GAB2: variants seen among roughly 807,000 people sequenced by gnomAD.
The protein encoded by GAB2 is GRB2-associated-binding protein 2.
In GAB2, 26 loss-of-function variants were observed where a neutral mutation model predicts 65.5. The observed-to-expected ratio is 0.40, with a 90% CI of 0.29 to 0.55. GAB2 has a LOEUF of 0.55. GAB2 is among the 20% of genes least tolerant of loss of function. The pLI is 0.53. For synonymous variants in GAB2, 321 were observed against 329.6 expected, an observed-to-expected ratio of 0.97 and a Z score of 0.28; for missense variants, 884 against 875.8, an observed-to-expected ratio of 1.01 and a Z score of -0.12.
At chr11:78,280,521 A>C in intron 2 of GAB2, 80 bp downstream of exon 2, 38 of 1,145,232 alleles carry the variant, frequency 3.3e-5, no homozygotes, top group Non-Finnish European at 4.6e-5. Flanking sequence ...AACCTTAGCT[A>C]GAGCCTGCTC....
At chr11:78,283,867 T>A (rs1004529767) in intron 1 of GAB2, among the ~76,000 whole-genome samples, 1 of 152,086 alleles carries the variant, frequency 6.6e-6, no homozygotes, top group African/African-American at 2.4e-5. Context: ...AATGCCCCAA[T>A]GCTCAGTTCT....
intron 1 of GAB2, among the ~76,000 whole-genome samples, chr11:78,302,482 A>G (rs1867053579): frequency 6.6e-6 from 1 of 152,192 alleles, no homozygotes; most frequent in Non-Finnish European, 1.5e-5. Flanking sequence ...CCACAAAGCG[A>G]TACCACCTTA....
At position 78,371,067 on chromosome 11, in the gene GAB2, T is replaced by G. The variant is rs188319334; in HGVS notation, c.75+46579A>C. 1.6e-3 allele frequency among the ~76,000 whole-genome samples: 245 copies of G among 152,322 alleles called. 2 individuals carry two copies. Among genetic ancestry groups the G allele is most frequent in the Non-Finnish European group, 3.1e-3 (210 of 68,026 alleles). Reference sequence around the variant, plus strand: ...AGAGGGAAGATGAGACAGCCAGCACTGTTAGAAAACGTGGCAAAAGCAGCA... The same window carrying G: ...AGAGGGAAGATGAGACAGCCAGCACGGTTAGAAAACGTGGCAAAAGCAGCA... On this transcript the variant is annotated intron_variant, in intron 1 of 9. Transcript: ENST00000361507.
chr11:78,410,555 G>C (rs894336079), intron 1 of GAB2, among the ~76,000 whole-genome samples: 2 of 151,942 alleles, frequency 1.3e-5, no homozygotes, highest in Admixed American at 6.6e-5. Context: ...CAAGAATAAG[G>C]GTTAAAAAAA....
At chr11:78,258,919 TG>T in intron 2 of GAB2, among the ~76,000 whole-genome samples, 1 of 152,322 alleles carries the variant, frequency 6.6e-6, no homozygotes, top group South Asian at 2.1e-4. Flanking sequence ...ATGTTTGTTA[TG>T]TAGGTAAACT....
At chr11:78,305,882 G>T (rs1855346155) in intron 1 of GAB2, among the ~76,000 whole-genome samples, 1 of 152,192 alleles carries the variant, frequency 6.6e-6, no homozygotes, top group African/African-American at 2.4e-5. Context: ...GAAAAGGCAA[G>T]CATTGCCCAT....
At chr11:78,375,483 G>A (rs1378071290) in intron 1 of GAB2, among the ~76,000 whole-genome samples, 1 of 152,090 alleles carries the variant, frequency 6.6e-6, no homozygotes, top group Non-Finnish European at 1.5e-5. Flanking sequence ...ACATTAAAAA[G>A]GCATTTATTG....
At chr11:78,321,018 G>T (rs1855713811) in intron 1 of GAB2, among the ~76,000 whole-genome samples, 2 of 152,300 alleles carry the variant, frequency 1.3e-5, no homozygotes, top group South Asian at 4.1e-4. Flanking sequence ...ACAGAGTGAA[G>T]AATGACTTAC....
At chr11:78,355,113 T>C (rs1249481393) in intron 1 of GAB2, among the ~76,000 whole-genome samples, 1 of 152,206 alleles carries the variant, frequency 6.6e-6, no homozygotes, top group Non-Finnish European at 1.5e-5. Context: ...GTTAATGCAT[T>C]AGTGTAATAG....
At chr11:78,227,085 G>A (rs1192031244) in intron 3 of GAB2, 34 bp from the exon 4 acceptor site, 1 of 1,411,782 alleles carries the variant, frequency 7.1e-7, no homozygotes. Flanking sequence ...GCAGGAGGGT[G>A]AGACAATTAC....
Position 78,257,975 on chromosome 11 carries a change from C to T in GAB2, c.377-7575G>A, listed in dbSNP as rs540415618. On this transcript the variant is annotated intron_variant, in intron 2 of 9. Coordinates refer to ENST00000361507, the MANE Select transcript of GAB2 (RefSeq NM_080491.3). Reference sequence around the variant, plus strand: ...GCAGAGGAAGAACTCCCACAAGAGCCCTATGAGGTGAATGGTACTAGGGAA... The same window carrying T: ...GCAGAGGAAGAACTCCCACAAGAGCTCTATGAGGTGAATGGTACTAGGGAA... 2.7e-4 allele frequency among the ~76,000 whole-genome samples: 41 copies of T among 152,186 alleles called. No individual in the cohort carries two copies. In the Middle Eastern group the frequency reaches 0.01, roughly 38 times the overall value.
At chr11:78,306,546 T>G (rs1855364208) in intron 1 of GAB2, among the ~76,000 whole-genome samples, 1 of 152,248 alleles carries the variant, frequency 6.6e-6, no homozygotes, top group African/African-American at 2.4e-5. Context: ...TATACTTTCT[T>G]AAGCTATCAA....
At chr11:78,312,064 C>G (rs1401230748) in intron 1 of GAB2, among the ~76,000 whole-genome samples, 2 of 152,058 alleles carry the variant, frequency 1.3e-5, no homozygotes, top group African/African-American at 4.8e-5. Context: ...GAAAACAGCC[C>G]TTTTTCTAGG....
chr11:78,235,026 A>T (rs778146490), intron 3 of GAB2, among the ~76,000 whole-genome samples: 7 of 151,940 alleles, frequency 4.6e-5, no homozygotes, highest in Non-Finnish European at 8.8e-5. Context: ...GGCCACCGGG[A>T]GGGGCTGCCA....
chr11:78,390,679 C>A (rs1856823404), intron 1 of GAB2, among the ~76,000 whole-genome samples: 1 of 152,176 alleles, frequency 6.6e-6, no homozygotes, highest in South Asian at 2.1e-4. Flanking sequence ...ATACCGCGAT[C>A]TCCTCCAATA....
At chr11:78,266,613 G>A (rs1238645236) in intron 2 of GAB2, among the ~76,000 whole-genome samples, 1 of 152,168 alleles carries the variant, frequency 6.6e-6, no homozygotes. Flanking sequence ...TTTTTTATCT[G>A]GTAGTTATAT....
In GAB2 at chr11:78,342,586, T is replaced by G. The variant is rs57805880; in HGVS notation, c.76-61685A>C. Among the ~76,000 whole-genome samples the G allele has an allele frequency of 6.8e-3, 1,040 of 152,202 alleles. 26 individuals carry two copies. Among genetic ancestry groups the G allele is most frequent in the East Asian group, 0.068 (352 of 5,158 alleles). ...AGCACGCCTGGCGAATTTTTTGTAT[T>G]TCTAGTAGAGACGGGGTTTCACCAT... On this transcript the variant is annotated intron_variant, in intron 1 of 9. Transcript: ENST00000361507.
chr11:78,339,086 C>G (rs1856050493), intron 1 of GAB2, among the ~76,000 whole-genome samples: 1 of 152,144 alleles, frequency 6.6e-6, no homozygotes, highest in Non-Finnish European at 1.5e-5. Context: ...CCACACCCAG[C>G]TAATTTTTTT....
intron 1 of GAB2, among the ~76,000 whole-genome samples, chr11:78,312,368 A>G (rs891390970): frequency 1.3e-5 from 2 of 152,140 alleles, no homozygotes; most frequent in African/African-American, 4.8e-5. Context: ...CACTTTACAT[A>G]TAAGAGTTCA....
Sources: gnomAD v4.1 joint callset for allele counts (sites outside exome capture counted in the v4.1 genomes callset) on GRCh38, gnomAD v4.1.1 for gene constraint, MANE v1.5 for transcripts, NCBI Gene and HGNC (gene_info 2026-07-23, HGNC 2026-07-21) for gene names.